Variants in ARHGAP44 observed in about 807,000 individuals in gnomAD.
The protein encoded by ARHGAP44 is rho GTPase-activating protein 44.
In ARHGAP44, 43 loss-of-function variants were observed where a neutral mutation model predicts 106.8. The observed-to-expected ratio is 0.40, with a 90% confidence interval of 0.32 to 0.52. The LOEUF (loss-of-function observed/expected upper bound fraction) is 0.52, where lower values mean the gene tolerates loss of function less well. Among genes scored for constraint, ARHGAP44 ranks in the 20% least tolerant of loss-of-function variants. The pLI is 0.48. For synonymous variants in ARHGAP44, 439 were observed against 410.3 expected, an observed-to-expected ratio of 1.07 and a Z score of -0.85; for missense variants, 866 against 1,050.5, an observed-to-expected ratio of 0.82 and a Z score of 2.43.
intron 1 of ARHGAP44, among the ~76,000 whole-genome samples, chr17:12,819,693 GTTTATTGGACA>G (rs992842022): frequency 6.6e-6 from 1 of 151,532 alleles, no homozygotes; most frequent in African/African-American, 2.4e-5. Context: ...CTTTTCATGA[GTTTATTGGACA>G]TTCAGGTGTC....
At chr17:12,871,018 T>C (rs1009076447) in intron 1 of ARHGAP44, among the ~76,000 whole-genome samples, 1 of 152,234 alleles carries the variant, frequency 6.6e-6, no homozygotes, top group African/African-American at 2.4e-5. Context: ...TCTTTTTGTT[T>C]GTTTACATTT....
intron 18 of ARHGAP44, among the ~76,000 whole-genome samples, chr17:12,979,056 G>A (rs1016402874): frequency 6.6e-6 from 1 of 152,166 alleles, no homozygotes; most frequent in African/African-American, 2.4e-5. Flanking sequence ...GACTCTTCAT[G>A]CCCCACCTGT....
intron 1 of ARHGAP44, among the ~76,000 whole-genome samples, chr17:12,885,443 A>T (rs753024963): frequency 6.6e-6 from 1 of 151,690 alleles, no homozygotes; most frequent in Non-Finnish European, 1.5e-5. Flanking sequence ...AGTGTTTTCT[A>T]CATCGGCTGT....
At chr17:12,850,247 T>G (rs2035698893) in intron 1 of ARHGAP44, among the ~76,000 whole-genome samples, 1 of 152,220 alleles carries the variant, frequency 6.6e-6, no homozygotes, top group Non-Finnish European at 1.5e-5. Flanking sequence ...CACAGCTGGC[T>G]GATAAGGACC....
chr17:12,800,387 G>A (rs1444374640), intron 1 of ARHGAP44, among the ~76,000 whole-genome samples: 3 of 152,172 alleles, frequency 2.0e-5, no homozygotes, highest in African/African-American at 7.2e-5. Context: ...AGGTTAAGCA[G>A]CTGTAACAAA....
At chr17:12,840,769 C>T (rs910447308) in intron 1 of ARHGAP44, among the ~76,000 whole-genome samples, 6 of 152,194 alleles carry the variant, frequency 3.9e-5, no homozygotes, top group Non-Finnish European at 7.3e-5. Flanking sequence ...CATAAATTAA[C>T]CTGAGACGGC....
At chr17:12,838,560 G>A (rs944907652) in intron 1 of ARHGAP44, among the ~76,000 whole-genome samples, 1 of 152,154 alleles carries the variant, frequency 6.6e-6, no homozygotes, top group Non-Finnish European at 1.5e-5. Context: ...TAAGTGCGGT[G>A]GCAGTGGAGG....
intron 13 of ARHGAP44, among the ~76,000 whole-genome samples, chr17:12,954,833 G>A (rs1210847249): frequency 6.6e-6 from 1 of 152,006 alleles, no homozygotes; most frequent in Non-Finnish European, 1.5e-5. Flanking sequence ...TAGCTTCTTT[G>A]TTGGCTCTTT....
intron 20 of ARHGAP44, chr17:12,985,447 C>T (rs1477486580): frequency 1.3e-5 from 2 of 152,326 alleles, no homozygotes; most frequent in Non-Finnish European, 2.9e-5. Context: ...TCTCCTCCAC[C>T]AGACTCCCCT....
At chr17:12,849,394 C>T (rs2035671011) in intron 1 of ARHGAP44, among the ~76,000 whole-genome samples, 1 of 152,018 alleles carries the variant, frequency 6.6e-6, no homozygotes, top group African/African-American at 2.4e-5. Flanking sequence ...GAGTTTGTGC[C>T]TGGTATTTTG....
In ARHGAP44 at chr17:12,958,714, C is replaced by A. The variant is rs2039187504; in HGVS notation, c.1343-3C>A. ...ACATGTACCAATTCTTTCTTCCCCG[C>A]AGAGATAGAGTTCAACATTACTGGC... On this transcript the variant is annotated splice_polypyrimidine_tract_variant and splice_region_variant and intron_variant, in intron 15 of 20. Transcript: ENST00000379672. This position sits in a 1 kb window ranked among gnomAD's most constrained non-coding sequence, Gnocchi z 4.1. The A allele has an allele frequency of 6.2e-7, 1 of 1,613,534 alleles. No homozygotes were observed. Among genetic ancestry groups the A allele is most frequent in the Admixed American group, 1.7e-5 (1 of 59,966 alleles).
At chr17:12,932,452 G>A (rs1296528581) in intron 7 of ARHGAP44, among the ~76,000 whole-genome samples, 1 of 152,128 alleles carries the variant, frequency 6.6e-6, no homozygotes, top group Non-Finnish European at 1.5e-5. Flanking sequence ...CTGCTGTGCT[G>A]CAGATACCTT....
rs201443365 is a variant in ARHGAP44 at position 12,943,762 on chromosome 17, ACT to A, written c.733+96_733+97del. On this transcript the variant is annotated intron_variant, in intron 9 of 20. Coordinates refer to ENST00000379672, the MANE Select transcript of ARHGAP44 (RefSeq NM_014859.6). ...TTCCTTGTATGTCGTTGGCCCTAAC[ACT>A]CTGCCCAACAGCATCACCTGTAGAT... The A allele has an allele frequency of 2.0e-3, 2,560 of 1,300,722 alleles. 37 individuals are homozygous for A. In the African/African-American group the frequency reaches 0.032, roughly 17 times the overall value. 80.6% of individuals were successfully genotyped at this position (1,300,722 alleles called of 1,614,324 possible).
chr17:12,893,790 A>G lies in ARHGAP44; in HGVS notation c.54-1150A>G, dbSNP rs151192900. Among the ~76,000 whole-genome samples, 134 of 152,196 alleles carry G rather than the reference A, an allele frequency of 8.8e-4. 1 individual carries two copies. The highest frequency in any genetic ancestry group is 3.0e-3 in the African/African-American group (124 of 41,540). ...CTGCTCCTTTCTTTGTCCTTTGTCT[A>G]CAGAGACCAGGCTTTTGTTGGGGTT... On this transcript the variant is annotated intron_variant, in intron 1 of 20. Transcript: ENST00000379672.
At chr17:12,838,906 C>T (rs1032291295) in intron 1 of ARHGAP44, among the ~76,000 whole-genome samples, 4 of 151,964 alleles carry the variant, frequency 2.6e-5, no homozygotes, top group Non-Finnish European at 4.4e-5. Context: ...GGGGTTTCAC[C>T]ATGTTGGCCA....
chr17:12,866,895 G>A (rs573031874), intron 1 of ARHGAP44, among the ~76,000 whole-genome samples: 10 of 152,102 alleles, frequency 6.6e-5, no homozygotes, highest in Non-Finnish European at 1.3e-4. Context: ...GGGATTTACG[G>A]CAGCCTTTAC....
intron 1 of ARHGAP44, chr17:12,790,183 T>G: frequency 7.4e-6 from 3 of 405,474 alleles, no homozygotes; most frequent in Non-Finnish European, 1.3e-5. Flanking sequence ...CTCCCTGCCT[T>G]TCCCCGGGAC....
intron 1 of ARHGAP44, among the ~76,000 whole-genome samples, chr17:12,839,641 G>T (rs2035336347): frequency 6.6e-6 from 1 of 152,180 alleles, no homozygotes; most frequent in Non-Finnish European, 1.5e-5. Flanking sequence ...AATCTGCAAA[G>T]ATTTAGTAGA....
At chr17:12,900,830 G>A (rs2037352116) in intron 3 of ARHGAP44, among the ~76,000 whole-genome samples, 1 of 151,800 alleles carries the variant, frequency 6.6e-6, no homozygotes, top group South Asian at 2.1e-4. Context: ...CAGGTGAAAG[G>A]TAGCAGCACC....
Sources: gnomAD v4.1 joint callset for allele counts (sites outside exome capture counted in the v4.1 genomes callset) on GRCh38, gnomAD v4.1.1 for gene constraint, Gnocchi (gnomAD v3.1) non-coding constraint, MANE v1.5 for transcripts, NCBI Gene and HGNC (gene_info 2026-07-23, HGNC 2026-07-21) for gene names.